Variants in CLTB observed in about 807,000 individuals in gnomAD.
CLTB encodes the protein clathrin light chain B.
CLTB carries 10 observed loss-of-function variants against 30.5 expected under a neutral mutation model. That is an observed-to-expected ratio of 0.33 (90% confidence interval 0.20 to 0.56). The LOEUF is 0.56. Ranked by LOEUF, CLTB falls within the 20% of genes least tolerant of loss-of-function variation. The pLI is 0.91. For missense variants in CLTB, 261 were observed against 308.3 expected, an observed-to-expected ratio of 0.85 and a Z score of 1.15; for synonymous variants, 102 against 120.3, an observed-to-expected ratio of 0.85 and a Z score of 1.00.
chr5:176,415,545 TA>T (rs1757651192), intron 1 of CLTB, among the ~76,000 whole-genome samples: 1 of 152,178 alleles, frequency 6.6e-6, no homozygotes, highest in African/African-American at 2.4e-5. Flanking sequence ...AATATATATG[TA>T]AAAGAAAAAG....
chr5:176,401,899 G>A (rs936896994), intron 2 of CLTB: 8 of 389,356 alleles, frequency 2.1e-5, no homozygotes, highest in East Asian at 7.3e-5. Flanking sequence ...TGCCCTCACC[G>A]CCCCTGGCCT....
Position 176,398,062 on chromosome 5 carries a change from C to A in CLTB, c.235-15G>T. On this transcript the variant is annotated splice_polypyrimidine_tract_variant and intron_variant, in intron 2 of 5. Transcript: ENST00000310418. Reference sequence around the variant, plus strand: ...CCGTTGGCCTCCTAGAACACAAACACGCAGCAGTCTATCCAGCCAGCACAC... The same window carrying A: ...CCGTTGGCCTCCTAGAACACAAACAAGCAGCAGTCTATCCAGCCAGCACAC... 9.3e-6 allele frequency: 15 copies of A among 1,610,448 alleles called. No individual in the cohort carries two copies. Among genetic ancestry groups the A allele is most frequent in the Non-Finnish European group, 1.3e-5 (15 of 1,177,114 alleles).
Position 176,416,446 on chromosome 5 carries a change from T to G in CLTB, c.-83A>C. On this transcript the variant is annotated 5_prime_UTR_variant, in exon 1 of 6. Transcript: ENST00000310418. ...GCGCTGCGTCCGGCGGCCGCGACGC[T>G]GTCACCCGAGCCGCGGGGGAGCCGG... 1 of 1,175,360 alleles carries G rather than the reference T, an allele frequency of 8.5e-7. No individual in the cohort carries two copies. The highest frequency in any genetic ancestry group is 1.1e-6 in the Non-Finnish European group (1 of 944,106). 72.8% of individuals were successfully genotyped at this position (1,175,360 alleles called of 1,614,324 possible). A position where few individuals can be genotyped will look rare whatever the true frequency, so the allele number is the denominator to read the frequency against.
At chr5:176,397,154 G>C (rs1228745141) in intron 4 of CLTB, among the ~76,000 whole-genome samples, 2 of 151,976 alleles carry the variant, frequency 1.3e-5, no homozygotes, top group East Asian at 3.9e-4. Flanking sequence ...CATCTCCTCC[G>C]TGCCTACCCC....
rs927418809 is a variant in CLTB at position 176,393,958 on chromosome 5, C to G, written c.519-1013G>C. The stretch of plus-strand genomic sequence containing the variant: ...TCAAGCAGGACCAGTTCTGCCGATG[C>G]CAGACATGACTGATGGCAGGAGCGC... On this transcript the variant is annotated intron_variant, in intron 5 of 5. Transcript: ENST00000310418. This position sits in a 1 kb window ranked among gnomAD's most constrained non-coding sequence, Gnocchi z 4.4. Among the ~76,000 whole-genome samples the G allele has an allele frequency of 6.6e-6, 1 of 152,204 alleles. No individual in the cohort carries two copies. Among genetic ancestry groups the G allele is most frequent in the East Asian group, 1.9e-4 (1 of 5,200 alleles).
At chr5:176,409,644 C>T (rs1328105339) in intron 2 of CLTB, among the ~76,000 whole-genome samples, 7 of 151,782 alleles carry the variant, frequency 4.6e-5, no homozygotes, top group Non-Finnish European at 1.5e-5. Flanking sequence ...TGAACTCTGA[C>T]CTCACGTGAT....
rs1341182028 is a variant in CLTB at position 176,416,500 on chromosome 5, C to T, written c.-137G>A. 6.2e-6 allele frequency: 4 copies of T among 645,798 alleles called. No individual in the cohort carries two copies. The highest frequency in any genetic ancestry group is 4.9e-5 in the Admixed American group (1 of 20,364). 40.0% of individuals were successfully genotyped at this position (645,798 alleles called of 1,614,324 possible). A position where few individuals can be genotyped will look rare whatever the true frequency, so the allele number is the denominator to read the frequency against. On this transcript the variant is annotated 5_prime_UTR_variant, in exon 1 of 6. Coordinates refer to ENST00000310418, the MANE Select transcript of CLTB (RefSeq NM_007097.5). ...CGGCGGGGACGGGCTTGGCGCGGAC[C>T]GCACTTCCTCTCCGCCACCGGGCCC... is the stretch of plus-strand genomic sequence containing the variant.
At chr5:176,403,398 T>TC (rs1489982531) in intron 2 of CLTB, among the ~76,000 whole-genome samples, 3 of 151,802 alleles carry the variant, frequency 2.0e-5, no homozygotes, top group Admixed American at 1.3e-4. Context: ...TAAAGGGCTT[T>TC]CTTTAATCTT....
At chr5:176,395,172 C>T (rs921407153) in intron 5 of CLTB, among the ~76,000 whole-genome samples, 1 of 152,082 alleles carries the variant, frequency 6.6e-6, no homozygotes, top group African/African-American at 2.4e-5. Context: ...CTCTGGATGC[C>T]TTGGCCCCAG....
At chr5:176,394,611 G>A (rs1183743128) in intron 5 of CLTB, among the ~76,000 whole-genome samples, 17 of 151,030 alleles carry the variant, frequency 1.1e-4, no homozygotes, top group Admixed American at 1.1e-3. Context: ...AGGTCAGATG[G>A]AGAGCATCCT....
rs1756296398 is a variant in CLTB at position 176,392,501 on chromosome 5, TCAA to T, written c.*270_*272del. 4.7e-6 allele frequency: 2 copies of T among 426,514 alleles called. No homozygotes were observed. The highest frequency in any genetic ancestry group is 8.4e-6 in the Non-Finnish European group (2 of 237,668). The allele number at this position is 426,514 out of a possible 1,614,324, so 26.4% of individuals were successfully genotyped here. ...TGATAATAAATAAGTGTAAAAAGAG[TCAA>T]CAACACACCCTTTAAGCCAAGAAAA... On this transcript the variant is annotated 3_prime_UTR_variant, in exon 6 of 6. Transcript: ENST00000310418. The surrounding 1 kb of genome is among the most constrained non-coding windows in gnomAD (Gnocchi z 5.2).
Position 176,416,469 on chromosome 5 carries a change from C to A in CLTB, c.-106G>T. ...GCTGTCACCCGAGCCGCGGGGGAGCCGGCGTCGGCGGGGACGGGCTTGGCG... is the reference window on the plus strand; with the variant it reads ...GCTGTCACCCGAGCCGCGGGGGAGCAGGCGTCGGCGGGGACGGGCTTGGCG... On this transcript the variant is annotated 5_prime_UTR_variant, in exon 1 of 6. Coordinates refer to ENST00000310418, the MANE Select transcript of CLTB (RefSeq NM_007097.5). 1 of 989,630 alleles carries A rather than the reference C, an allele frequency of 1.0e-6. No homozygotes were observed. The highest frequency in any genetic ancestry group is 4.4e-5 in the South Asian group (1 of 22,700). The allele number at this position is 989,630 out of a possible 1,614,324, so 61.3% of individuals were successfully genotyped here.
In CLTB at chr5:176,410,297, G is replaced by T. The variant is rs1561800767; in HGVS notation, c.194C>A (p.Ser65Tyr). The change falls in exon 2 of 6, where the codon TCT becomes TAT. Residue 65 changes from serine (S) to tyrosine (Y), a missense_variant. Ser to Tyr is a moderately radical substitution (Grantham distance 144). Transcript: ENST00000310418. ...ATTGACTGTGGTCCCCATGTCCTCA[G>T]AACCAGCTGGAAAGAGAACAAGGAG... ...AQPGPTSGAG[S>Y]EDMGTTVNGD... 1 of 1,613,834 alleles carries T rather than the reference G, an allele frequency of 6.2e-7. No individual in the cohort carries two copies. Among genetic ancestry groups the T allele is most frequent in the Non-Finnish European group, 8.5e-7 (1 of 1,179,828 alleles).
intron 2 of CLTB, among the ~76,000 whole-genome samples, chr5:176,410,031 C>T (rs1757347976): frequency 6.6e-6 from 1 of 152,212 alleles, no homozygotes; most frequent in African/African-American, 2.4e-5. Flanking sequence ...CATGGGCAAC[C>T]TGAGGCTACT....
intron 5 of CLTB, among the ~76,000 whole-genome samples, chr5:176,394,456 G>C (rs1385870687): frequency 6.6e-6 from 1 of 152,280 alleles, no homozygotes; most frequent in African/African-American, 2.4e-5. Flanking sequence ...TGGATCACTT[G>C]AGGTCAGGAG....
At chr5:176,411,663 G>A (rs1416709811) in intron 1 of CLTB, among the ~76,000 whole-genome samples, 1 of 152,118 alleles carries the variant, frequency 6.6e-6, no homozygotes, top group Non-Finnish European at 1.5e-5. Context: ...TCCATGATGA[G>A]GCCCACCTAC....
rs567373341 is a variant in CLTB, at chr5:176,394,614, A to G, written c.519-1669T>C. 2.0e-5 allele frequency among the ~76,000 whole-genome samples: 3 copies of G among 151,570 alleles called. No homozygotes were observed. The East Asian group carries it at 5.8e-4, about 29-fold the overall frequency. Reference sequence around the variant, plus strand: ...GGGCGGATCACGAGGTCAGATGGAGAGCATCCTGGCTAACACGGTGAAACC... The same window carrying G: ...GGGCGGATCACGAGGTCAGATGGAGGGCATCCTGGCTAACACGGTGAAACC... On this transcript the variant is annotated intron_variant, in intron 5 of 5. Coordinates refer to ENST00000310418, the MANE Select transcript of CLTB (RefSeq NM_007097.5).
intron 4 of CLTB, 116 bp from the exon 5 acceptor site, chr5:176,396,648 A>C: frequency 2.6e-6 from 2 of 770,242 alleles, no homozygotes; most frequent in Non-Finnish European, 4.5e-6. Flanking sequence ...CCAGTGGGAG[A>C]AATGTTAGGA....
intron 2 of CLTB, among the ~76,000 whole-genome samples, chr5:176,409,262 C>T (rs1757295620): frequency 4.1e-5 from 6 of 147,838 alleles, no homozygotes. Context: ...GCATGAGCCA[C>T]CACGCCCAGC....
Sources: gnomAD v4.1 joint callset for allele counts (sites outside exome capture counted in the v4.1 genomes callset) on GRCh38, gnomAD v4.1.1 for gene constraint, Gnocchi (gnomAD v3.1) non-coding constraint, MANE v1.5 for transcripts, NCBI Gene and HGNC (gene_info 2026-07-23, HGNC 2026-07-21) for gene names.